The following PHTF2 variants were observed in gnomAD, a reference collection of about 807,000 sequenced individuals.
The protein encoded by PHTF2 is protein PHTF2.
A neutral mutation model predicts 101.2 loss-of-function variants in PHTF2; 60 were observed. That is an observed-to-expected ratio of 0.59 (90% CI 0.48 to 0.73). The LOEUF (loss-of-function observed/expected upper bound fraction) is 0.73. PHTF2 is among the 30% of genes least tolerant of loss of function. The pLI, the probability that PHTF2 is intolerant of heterozygous loss-of-function variation, is 0.00. For synonymous variants in PHTF2, 311 were observed against 307.3 expected (o/e 1.01, Z -0.13); for missense variants, 747 against 908.7 (o/e 0.82, Z 2.29).
chr7:77,854,699 T>G (rs1222576948), intron 2 of PHTF2: 1 of 702,718 alleles, frequency 1.4e-6, no homozygotes, highest in Admixed American at 2.0e-5. Context: ...AAGACAAAGT[T>G]TTTTGCACTC....
At position 77,953,901 on chromosome 7, in the gene PHTF2, G is replaced by C; in HGVS notation, c.2337+7G>C. 2 of 1,612,436 alleles carry C rather than the reference G, an allele frequency of 1.2e-6. No individual in the cohort carries two copies. The highest frequency in any genetic ancestry group is 1.7e-6 in the Non-Finnish European group (2 of 1,179,184). ...GCTTGGATTTAATTTAAAGGTAAGA[G>C]GTTGCAAGTACTTTTTATTTCTTAG... On this transcript the variant is annotated splice_region_variant and intron_variant, in intron 19 of 19. Coordinates refer to ENST00000416283, the Ensembl canonical transcript of PHTF2.
In PHTF2 at chr7:77,901,744, C is replaced by CTA; in HGVS notation, c.287-16_287-15dup. ...TAATATATAAATATACTCTGTTGTCCTATTTTACTTTTTTCAGGGTCTGCA... is the reference window on the plus strand; with the variant it reads ...TAATATATAAATATACTCTGTTGTCCTATATTTTACTTTTTTCAGGGTCTGCA... On this transcript the variant is annotated splice_polypyrimidine_tract_variant and intron_variant, in intron 6 of 19. Coordinates refer to ENST00000416283, the Ensembl canonical transcript of PHTF2. 7.1e-7 allele frequency: 1 copy of CTA among 1,417,552 alleles called. No individual in the cohort carries two copies. The highest frequency in any genetic ancestry group is 9.4e-7 in the Non-Finnish European group (1 of 1,067,004). The allele number at this position is 1,417,552 out of a possible 1,614,324, so 87.8% of individuals were successfully genotyped here.
intron 3 of PHTF2, among the ~76,000 whole-genome samples, chr7:77,863,060 T>G (rs561033997): frequency 6.6e-6 from 1 of 152,322 alleles, no homozygotes; most frequent in South Asian, 2.1e-4. Flanking sequence ...ATGCTGAAGA[T>G]ATACAACCTA....
At chr7:77,922,247 G>A (rs1435977179) in intron 10 of PHTF2, among the ~76,000 whole-genome samples, 2 of 151,572 alleles carry the variant, frequency 1.3e-5, no homozygotes, top group Admixed American at 6.6e-5. Context: ...GGCTGGTCTC[G>A]AACCCCTGGC....
chr7:77,856,729 ATTTACAGAACAG>A (rs1274068097), intron 3 of PHTF2, among the ~76,000 whole-genome samples: 1 of 152,072 alleles, frequency 6.6e-6, no homozygotes. Flanking sequence ...TATAACAACT[ATTTACAGAACAG>A]TTATAATGTA....
At chr7:77,850,318 A>G (rs1252304461) in intron 2 of PHTF2, among the ~76,000 whole-genome samples, 3 of 135,412 alleles carry the variant, frequency 2.2e-5, no homozygotes, top group Non-Finnish European at 4.6e-5. Flanking sequence ...TGTTTGTGCC[A>G]CCACTGCACT....
chr7:77,841,095 T>TTTTTTTTTTA (rs1795841383), intron 2 of PHTF2, among the ~76,000 whole-genome samples: 2 of 146,438 alleles, frequency 1.4e-5, no homozygotes, highest in Non-Finnish European at 3.0e-5. Context: ...TTTTTTTTTT[T>TTTTTTTTTTA]GAGATGGAAT....
intron 19 of PHTF2, among the ~76,000 whole-genome samples, chr7:77,954,196 C>T (rs755694643): frequency 6.6e-5 from 10 of 151,926 alleles, no homozygotes; most frequent in Admixed American, 3.9e-4. Flanking sequence ...TGCAGTTGCG[C>T]GACCTTGGCT....
chr7:77,800,826 A>T (rs940335962), intron 1 of PHTF2, among the ~76,000 whole-genome samples: 4 of 152,234 alleles, frequency 2.6e-5, no homozygotes, highest in Non-Finnish European at 5.9e-5. Flanking sequence ...CATTTTATAG[A>T]TGAGCAAACC....
At chr7:77,911,331 C>T (rs1311205648) in intron 9 of PHTF2, among the ~76,000 whole-genome samples, 1 of 151,292 alleles carries the variant, frequency 6.6e-6, no homozygotes, top group African/African-American at 2.4e-5. Flanking sequence ...GTTGTACCAT[C>T]AATGAAGACT....
intron 1 of PHTF2, among the ~76,000 whole-genome samples, chr7:77,837,734 C>A (rs1172394702): frequency 6.6e-6 from 1 of 152,008 alleles, no homozygotes; most frequent in Non-Finnish European, 1.5e-5. Flanking sequence ...TATATAAAGT[C>A]TTTGCGATTA....
chr7:77,906,723 A>C (rs1801890924), intron 7 of PHTF2, among the ~76,000 whole-genome samples: 1 of 152,164 alleles, frequency 6.6e-6, no homozygotes, highest in Admixed American at 6.5e-5. Flanking sequence ...AGTTAATGGC[A>C]CGGTGAAACC....
At chr7:77,944,416 G>A (rs117003898) in intron 16 of PHTF2, among the ~76,000 whole-genome samples, 3,357 of 152,308 alleles carry the variant, frequency 0.022, 52 homozygotes, top group Middle Eastern at 0.068. Context: ...CGGGGGAAAA[G>A]TCTCTTCTAA....
intron 1 of PHTF2, among the ~76,000 whole-genome samples, chr7:77,816,221 C>G (rs946877030): frequency 6.6e-6 from 1 of 152,046 alleles, no homozygotes; most frequent in Non-Finnish European, 1.5e-5. Flanking sequence ...ATTACAGGTG[C>G]GTACCACAAT....
chr7:77,935,215 T>G (rs1364299046), intron 12 of PHTF2, among the ~76,000 whole-genome samples: 2 of 30,758 alleles, frequency 6.5e-5, no homozygotes, highest in East Asian at 3.7e-3. Context: ...TAATTTACCC[T>G]TTTTTTTTTT....
At chr7:77,799,195 G>A (rs1792319077) in intron 1 of PHTF2, among the ~76,000 whole-genome samples, 1 of 152,194 alleles carries the variant, frequency 6.6e-6, no homozygotes, top group South Asian at 2.1e-4. Context: ...GTCGGCCGGT[G>A]GCGGAGGCTC....
intron 18 of PHTF2, 44 bp from the exon 18 acceptor site, chr7:77,953,725 A>T: frequency 6.3e-7 from 1 of 1,575,454 alleles, no homozygotes; most frequent in Non-Finnish European, 8.6e-7. Flanking sequence ...TAGCTTAGTA[A>T]TTCTTTTTGA....
chr7:77,932,587 AGAG>A (rs1471082327), intron 12 of PHTF2, among the ~76,000 whole-genome samples: 2 of 129,760 alleles, frequency 1.5e-5, no homozygotes, highest in Admixed American at 1.5e-4. Flanking sequence ...AGAAAGAGGA[AGAG>A]AGAGAGAGAG....
At chr7:77,892,004 G>A (rs956302691) in intron 3 of PHTF2, among the ~76,000 whole-genome samples, 3 of 152,230 alleles carry the variant, frequency 2.0e-5, no homozygotes, top group African/African-American at 7.2e-5. Flanking sequence ...ATAGCCGGGT[G>A]CGTTGGCTCA....
Sources: gnomAD v4.1 joint callset for allele counts (sites outside exome capture counted in the v4.1 genomes callset) on GRCh38, gnomAD v4.1.1 for gene constraint, MANE v1.5 for transcripts, NCBI Gene and HGNC (gene_info 2026-07-23, HGNC 2026-07-21) for gene names.